SDHA: variants seen among roughly 807,000 people sequenced by gnomAD.
The protein encoded by SDHA is succinate dehydrogenase complex flavoprotein subunit A.
Under a neutral mutation model 78.4 loss-of-function variants are expected in SDHA, and 48 were observed. The ratio of observed to expected loss-of-function variants is 0.61; its 90% CI spans 0.49 to 0.78. The LOEUF (loss-of-function observed/expected upper bound fraction) is 0.78. Ranked by LOEUF, SDHA falls within the 30% of genes least tolerant of loss-of-function variation. The pLI, the probability that SDHA is intolerant of heterozygous loss-of-function variation, is 0.00. For missense variants in SDHA, 680 were observed against 892.7 expected, an observed-to-expected ratio of 0.76 and a Z score of 3.04; for synonymous variants, 326 against 353.9, an observed-to-expected ratio of 0.92 and a Z score of 0.88.
At chr5:249,648 A>T (rs1031596993) in intron 11 of SDHA, 4 of 152,390 alleles carry the variant, frequency 2.6e-5, no homozygotes, top group Non-Finnish European at 4.4e-5. Context: ...GTCAATAAAT[A>T]TGTGGGTAAA....
intron 14 of SDHA, among the ~76,000 whole-genome samples, chr5:255,794 GCTCA>G (rs1326082179): frequency 2.0e-5 from 3 of 152,160 alleles, no homozygotes; most frequent in Non-Finnish European, 4.4e-5. Context: ...TGAAATAAGA[GCTCA>G]CTAACCAGAG....
At chr5:220,877 A>T (rs1291532805) in intron 1 of SDHA, among the ~76,000 whole-genome samples, 2 of 148,772 alleles carry the variant, frequency 1.3e-5, no homozygotes, top group South Asian at 2.1e-4. Flanking sequence ...CAGTGGCGCA[A>T]TCTCGGCTCA....
chr5:262,627 A>T, the SDHA span, among the ~76,000 whole-genome samples: 1 of 152,248 alleles, frequency 6.6e-6, no homozygotes, highest in African/African-American at 2.4e-5. Context: ...AGTGTCTTCC[A>T]TGAAACCAGT....
intron 1 of SDHA, among the ~76,000 whole-genome samples, chr5:222,246 CATA>C (rs1734758686): frequency 6.6e-6 from 1 of 151,816 alleles, no homozygotes; most frequent in South Asian, 2.1e-4. Context: ...TTTTATCCCA[CATA>C]ATAAGTAATT....
intron 7 of SDHA, among the ~76,000 whole-genome samples, chr5:231,437 G>A (rs1282630016): frequency 5.3e-5 from 8 of 151,816 alleles, no homozygotes; most frequent in Non-Finnish European, 5.9e-5. Context: ...GCGTGTACCT[G>A]TAATCCCAGG....
chr5:240,021 G>C (rs1391300957), intron 10 of SDHA, among the ~76,000 whole-genome samples: 1 of 152,122 alleles, frequency 6.6e-6, no homozygotes, highest in African/African-American at 2.4e-5. Context: ...CACCTACCTT[G>C]GCCTCGTAAA....
intron 11 of SDHA, among the ~76,000 whole-genome samples, chr5:241,328 T>C (rs1736126897): frequency 1.3e-5 from 2 of 152,156 alleles, no homozygotes; most frequent in South Asian, 4.1e-4. Flanking sequence ...ACAACACTGG[T>C]GCTTACATCT....
chr5:243,678 C>T (rs548381021), intron 11 of SDHA, among the ~76,000 whole-genome samples: 61 of 152,274 alleles, frequency 4.0e-4, no homozygotes, highest in African/African-American at 1.3e-3. Flanking sequence ...AAAAGGTGAT[C>T]GCAGATTCGG....
At chr5:259,923 AGCATTACCGTGTGAGCTCCGCCTCCCGC>A (rs1206640625), downstream of SDHA, among the ~76,000 whole-genome samples, 43 of 39,740 alleles carry the variant, frequency 1.1e-3, 1 homozygote, top group Non-Finnish European at 1.5e-3. Context: ...CTCCCGTCAG[AGCATTACCGTGTGAGCTCCGCCTCCCGC>A]CAGAGCATTA....
chr5:230,886 C>A lies in SDHA; in HGVS notation c.781C>A (p.Arg261Ser). The A allele has an allele frequency of 6.2e-7, 1 of 1,614,072 alleles. No individual in the cohort carries two copies. The highest frequency in any genetic ancestry group is 8.5e-7 in the Non-Finnish European group (1 of 1,179,998). Residue 261 changes from arginine (R) to serine (S), a missense_variant, in exon 7 of 15, where the codon CGC becomes AGC. Arg to Ser is a moderately radical substitution (Grantham distance 110). Coordinates refer to ENST00000264932, the MANE Select transcript of SDHA (RefSeq NM_004168.4). ...CTCTATTGTTTCCAGAGGCTACGGG[C>A]GCACCTACTTCAGCTGCACGTCTGC... ...NTVVATGGYG[R>S]TYFSCTSAHT...
chr5:235,352 G>T lies in SDHA; in HGVS notation c.1260+13G>T, dbSNP rs185239026. 4.2e-4 allele frequency: 673 copies of T among 1,613,850 alleles called. 6 individuals are homozygous for T. Among genetic ancestry groups the T allele is most frequent in the Non-Finnish European group, 7.6e-5 (90 of 1,179,738 alleles). ...CTACAAGGGGCAGGTGATGGTGCTG[G>T]CTCCTCCCCCACAGCTGGAAAGAAG... On this transcript the variant is annotated intron_variant, in intron 9 of 14. Coordinates refer to ENST00000264932, the MANE Select transcript of SDHA (RefSeq NM_004168.4).
intron 1 of SDHA, among the ~76,000 whole-genome samples, chr5:221,807 G>T (rs563230591): frequency 6.6e-6 from 1 of 152,208 alleles, no homozygotes; most frequent in South Asian, 2.1e-4. Flanking sequence ...GATTGAGAGG[G>T]TTAGTGTCCT....
At chr5:227,557 G>A (rs1033835195) in intron 5 of SDHA, 3 of 164,574 alleles carry the variant, frequency 1.8e-5, no homozygotes, top group East Asian at 1.7e-4. Flanking sequence ...GGAGGAGACC[G>A]CGGCTCCATC....
At position 254,491 on chromosome 5, in the gene SDHA, C is replaced by T. The variant is rs1364764796; in HGVS notation, c.1893C>T (p.Asp631=). Reference sequence around the variant, plus strand: ...GGAAGCACACCCTGTCCTATGTGGACGTTGGCACTGGGAAGGTCAGTGTGG... The same window carrying T: ...GGAAGCACACCCTGTCCTATGTGGATGTTGGCACTGGGAAGGTCAGTGTGG... ...HWRKHTLSYV[D]VGTGKVTLEY... is the part of the protein sequence containing the mutation. The change falls in exon 14 of 15, where the codon GAC becomes GAT. Residue 631 remains aspartate (D), a synonymous_variant. Transcript: ENST00000264932. 1.9e-6 allele frequency: 3 copies of T among 1,570,450 alleles called. No individual in the cohort carries two copies. Among genetic ancestry groups the T allele is most frequent in the Admixed American group, 1.8e-5 (1 of 54,144 alleles).
chr5:238,412 C>CA lies in SDHA; in HGVS notation c.1432+1822dup, dbSNP rs541304081. The stretch of plus-strand genomic sequence containing the variant: ...CACTATTCTCCCCCAAAACCCCCTG[C>CA]AAAAAAAAATACATATATATACACA... On this transcript the variant is annotated intron_variant, in intron 10 of 14. Transcript: ENST00000264932. 5.1e-3 allele frequency among the ~76,000 whole-genome samples: 740 copies of CA among 146,234 alleles called. 8 individuals are homozygous for CA. The highest frequency in any genetic ancestry group is 0.017 in the African/African-American group (671 of 39,880).
intron 10 of SDHA, among the ~76,000 whole-genome samples, chr5:239,320 TG>T: frequency 6.6e-6 from 1 of 152,208 alleles, no homozygotes; most frequent in East Asian, 1.9e-4. Context: ...CCCAGCACTT[TG>T]GGAAGCCAAG....
chr5:268,463 GC>G, the SDHA span, among the ~76,000 whole-genome samples: 9 of 152,166 alleles, frequency 5.9e-5, no homozygotes, highest in South Asian at 1.9e-3. Flanking sequence ...ACCGCGCCTG[GC>G]CAGGGTGTTT....
intron 6 of SDHA, 116 bp from the exon 7 acceptor site, chr5:230,760 G>T: frequency 7.1e-7 from 1 of 1,398,796 alleles, no homozygotes. Flanking sequence ...GGGGTTGTGT[G>T]TGCACAGCAC....
intron 1 of SDHA, among the ~76,000 whole-genome samples, chr5:222,933 G>A (rs1411444678): frequency 6.6e-6 from 1 of 152,206 alleles, no homozygotes; most frequent in Non-Finnish European, 1.5e-5. Flanking sequence ...CCTGTGTGAT[G>A]AAGGGATGAC....
Sources: allele counts gnomAD v4.1 joint callset (sites outside exome capture counted in the v4.1 genomes callset), GRCh38; gene constraint gnomAD v4.1.1; transcripts MANE v1.5; gene names NCBI Gene and HGNC (gene_info 2026-07-23, HGNC 2026-07-21).